Variants in STX7 observed in about 807,000 individuals in gnomAD.
STX7 encodes syntaxin-7.
STX7 carries 34 observed loss-of-function variants against 39.6 expected under a neutral mutation model. The observed-to-expected ratio is 0.86, with a 90% CI of 0.65 to 1.14. The LOEUF (loss-of-function observed/expected upper bound fraction) is 1.14, where lower values mean the gene tolerates loss of function less well. STX7 is among the 50% of genes most tolerant of loss of function. The probability of loss-of-function intolerance (pLI) is 0.00; values close to 1 mark genes in which losing one functional copy is unlikely to be tolerated. For synonymous variants in STX7, 119 were observed against 99.1 expected, an observed-to-expected ratio of 1.20 and a Z score of -1.19; for missense variants, 284 against 310.4, an observed-to-expected ratio of 0.92 and a Z score of 0.64.
At chr6:132,487,375 G>T (rs1775164493) in intron 2 of STX7, among the ~76,000 whole-genome samples, 1 of 152,130 alleles carries the variant, frequency 6.6e-6, no homozygotes. Context: ...ACTAACACAG[G>T]AACAGAAAAG....
At chr6:132,485,204 C>T (rs1339944357) in intron 2 of STX7, among the ~76,000 whole-genome samples, 1 of 152,192 alleles carries the variant, frequency 6.6e-6, no homozygotes, top group Admixed American at 6.5e-5. Flanking sequence ...CCCCCTCCAT[C>T]ACCAAGCAAT....
At chr6:132,506,559 A>AC (rs1775710211) in intron 1 of STX7, among the ~76,000 whole-genome samples, 1 of 152,214 alleles carries the variant, frequency 6.6e-6, no homozygotes, top group Non-Finnish European at 1.5e-5. Flanking sequence ...ACATCATCTC[A>AC]CAACAGTCAG....
chr6:132,470,492 GC>G (rs757413198), intron 6 of STX7, 81 bp downstream of exon 6: 263 of 1,025,112 alleles, frequency 2.6e-4, no homozygotes, highest in Middle Eastern at 1.1e-3. Context: ...TATATTGAAA[GC>G]TTTAATTCTG....
chr6:132,494,640 AAAG>A (rs760395884), intron 2 of STX7, among the ~76,000 whole-genome samples: 8 of 152,188 alleles, frequency 5.3e-5, no homozygotes, highest in Non-Finnish European at 8.8e-5. Context: ...CACTAAGCAG[AAAG>A]AAGATCTACC....
intron 1 of STX7, among the ~76,000 whole-genome samples, chr6:132,511,124 G>C (rs1775836496): frequency 6.6e-6 from 1 of 152,104 alleles, no homozygotes; most frequent in Non-Finnish European, 1.5e-5. Flanking sequence ...TCACTGCCTG[G>C]CTACATCACA....
rs1457131269 is a variant in STX7 at position 132,457,498 on chromosome 6, CAG to C, written c.*3258_*3259del. The stretch of plus-strand genomic sequence containing the variant: ...AAATTATGTTAGGGTAGTTGTTAAA[CAG>C]AATTTTGTCAAAGAAGCAGTACACT... On this transcript the variant is annotated 3_prime_UTR_variant, in exon 10 of 10. Transcript: ENST00000367941. 7 of 152,142 alleles carry C rather than the reference CAG, an allele frequency of 4.6e-5. No individual in the cohort carries two copies. Among genetic ancestry groups the C allele is most frequent in the Non-Finnish European group, 8.8e-5 (6 of 68,020 alleles). The allele number at this position is 152,142 out of a possible 1,614,324, so 9.4% of individuals were successfully genotyped here.
intron 2 of STX7, among the ~76,000 whole-genome samples, chr6:132,500,842 G>A (rs570792506): frequency 6.6e-6 from 1 of 152,212 alleles, no homozygotes; most frequent in East Asian, 1.9e-4. Context: ...CACTGATAAG[G>A]AATCTCATTC....
At chr6:132,480,375 C>A (rs776722049) in intron 2 of STX7, among the ~76,000 whole-genome samples, 18 of 152,082 alleles carry the variant, frequency 1.2e-4, no homozygotes, top group Non-Finnish European at 2.2e-4. Flanking sequence ...GCTGTTTCAC[C>A]TACAGCCAGA....
intron 2 of STX7, among the ~76,000 whole-genome samples, chr6:132,492,609 T>C (rs1775321318): frequency 6.6e-6 from 1 of 152,162 alleles, no homozygotes; most frequent in Non-Finnish European, 1.5e-5. Context: ...AAATACACCA[T>C]GTTATATGAA....
At chr6:132,465,467 T>C (rs936839949) in intron 8 of STX7, among the ~76,000 whole-genome samples, 2 of 152,152 alleles carry the variant, frequency 1.3e-5, no homozygotes, top group Admixed American at 1.3e-4. Flanking sequence ...CTTAGCCCCC[T>C]TGCCCCTCCA....
chr6:132,462,531 G>A (rs989227872), intron 9 of STX7, among the ~76,000 whole-genome samples: 1 of 151,542 alleles, frequency 6.6e-6, no homozygotes, highest in Non-Finnish European at 1.5e-5. Context: ...ATCCTGTTAA[G>A]TTTCAGCAGT....
At chr6:132,465,094 T>C (rs1441393029) in intron 8 of STX7, among the ~76,000 whole-genome samples, 1 of 152,166 alleles carries the variant, frequency 6.6e-6, no homozygotes, top group Non-Finnish European at 1.5e-5. Context: ...CTCTTATACA[T>C]ACTGGTGACT....
chr6:132,467,343 A>G (rs1211426659), intron 8 of STX7, among the ~76,000 whole-genome samples: 2 of 152,128 alleles, frequency 1.3e-5, no homozygotes, highest in East Asian at 3.9e-4. Flanking sequence ...GTTCACTAAA[A>G]TGTTACCTAT....
chr6:132,461,088 T>G (rs1476498964), intron 9 of STX7, among the ~76,000 whole-genome samples: 1 of 152,192 alleles, frequency 6.6e-6, no homozygotes, highest in Non-Finnish European at 1.5e-5. Flanking sequence ...ATTTTTCAAC[T>G]TTCATTGGTA....
intron 1 of STX7, among the ~76,000 whole-genome samples, chr6:132,510,588 G>C (rs1775822085): frequency 6.6e-6 from 1 of 152,136 alleles, no homozygotes. Context: ...AAAAAAATCA[G>C]TTCCTCAGTC....
At chr6:132,475,797 C>G (rs563396453) in intron 2 of STX7, 135 bp from the exon 3 acceptor site, 88 of 408,598 alleles carry the variant, frequency 2.2e-4, no homozygotes, top group Non-Finnish European at 3.5e-4. Context: ...AAAATATTAA[C>G]TGGAAAAAAG....
chr6:132,473,517 G>GTTTTTT (rs752590497), intron 3 of STX7, among the ~76,000 whole-genome samples: 1 of 125,786 alleles, frequency 8.0e-6, no homozygotes, highest in African/African-American at 3.0e-5. Flanking sequence ...TTATTATTGT[G>GTTTTTT]TTGTTTTTTT....
At chr6:132,468,294 G>T in intron 8 of STX7, 109 bp downstream of exon 8, 1 of 832,996 alleles carries the variant, frequency 1.2e-6, no homozygotes, top group South Asian at 1.5e-5. Flanking sequence ...TTGGTTCCAG[G>T]GAAACCAAAA....
chr6:132,477,593 TTATTA>T (rs1217198470), intron 2 of STX7, among the ~76,000 whole-genome samples: 1 of 152,176 alleles, frequency 6.6e-6, no homozygotes, highest in Non-Finnish European at 1.5e-5. Context: ...ATAAATGTTT[TTATTA>T]TATGATCTTA....
Sources: allele counts gnomAD v4.1 joint callset (sites outside exome capture counted in the v4.1 genomes callset), GRCh38; gene constraint gnomAD v4.1.1; transcripts MANE v1.5; gene names NCBI Gene and HGNC (gene_info 2026-07-23, HGNC 2026-07-21).